The following DCAF10 variants were observed in gnomAD, a reference collection of about 807,000 sequenced individuals.
The protein encoded by DCAF10 is DDB1 and CUL4 associated factor 10.
A neutral mutation model predicts 51.9 loss-of-function variants in DCAF10; 19 were observed. The ratio of observed to expected loss-of-function variants is 0.37; its 90% CI spans 0.26 to 0.54. The LOEUF (loss-of-function observed/expected upper bound fraction) is 0.54. Among genes scored for constraint, DCAF10 ranks in the 20% least tolerant of loss-of-function variants. The pLI is 0.87. For missense variants in DCAF10, 510 were observed against 730.6 expected, an observed-to-expected ratio of 0.70 and a Z score of 3.48; for synonymous variants, 291 against 297.1, an observed-to-expected ratio of 0.98 and a Z score of 0.21.
intron 3 of DCAF10, among the ~76,000 whole-genome samples, chr9:37,849,486 G>A (rs1174600365): frequency 6.6e-6 from 1 of 152,096 alleles, no homozygotes; most frequent in African/African-American, 2.4e-5. Context: ...CGTGGCTCAT[G>A]CCTATAATCC....
intron 1 of DCAF10, among the ~76,000 whole-genome samples, chr9:37,806,389 G>A (rs1418262688): frequency 1.3e-5 from 2 of 152,122 alleles, no homozygotes; most frequent in South Asian, 4.1e-4. Context: ...GAACTACAGG[G>A]CAGCAGCCAT....
chr9:37,845,687 C>T (rs1589106929), intron 3 of DCAF10, among the ~76,000 whole-genome samples: 1 of 152,140 alleles, frequency 6.6e-6, no homozygotes, highest in Admixed American at 6.5e-5. Context: ...TCTAGAGATA[C>T]CTCCCACAAA....
At chr9:37,834,645 TTAAG>T (rs1477334013) in intron 2 of DCAF10, among the ~76,000 whole-genome samples, 1 of 152,228 alleles carries the variant, frequency 6.6e-6, no homozygotes, top group Non-Finnish European at 1.5e-5. Context: ...CATCTGTGCA[TTAAG>T]TATTTTCTGT....
Position 37,812,332 on chromosome 9 carries a change from A to G in DCAF10, c.540-6956A>G, listed in dbSNP as rs1015887403. On this transcript the variant is annotated intron_variant, in intron 1 of 6. Coordinates refer to ENST00000377724, the MANE Select transcript of DCAF10 (RefSeq NM_024345.5). Reference sequence around the variant, plus strand: ...ACTTAGCTACAAGAGTAAAGCTGCTAAAACTAAAATAAAACATACATGCAC... The same window carrying G: ...ACTTAGCTACAAGAGTAAAGCTGCTGAAACTAAAATAAAACATACATGCAC... 2.6e-5 allele frequency among the ~76,000 whole-genome samples: 4 copies of G among 152,222 alleles called. No individual in the cohort carries two copies. The East Asian group carries it at 7.7e-4, about 29-fold the overall frequency.
chr9:37,854,090 A>G (rs1775244825), intron 3 of DCAF10, among the ~76,000 whole-genome samples: 1 of 151,702 alleles, frequency 6.6e-6, no homozygotes, highest in Admixed American at 6.6e-5. Context: ...TCATTTTTGA[A>G]GTTTCAATTT....
chr9:37,850,586 G>A (rs1389646759), intron 3 of DCAF10, among the ~76,000 whole-genome samples: 1 of 151,824 alleles, frequency 6.6e-6, no homozygotes, highest in Non-Finnish European at 1.5e-5. Context: ...CATAGAAGCA[G>A]ATAGTAGAAT....
intron 2 of DCAF10, among the ~76,000 whole-genome samples, chr9:37,841,290 T>A (rs1830329437): frequency 6.6e-6 from 1 of 152,310 alleles, no homozygotes; most frequent in Non-Finnish European, 1.5e-5. Flanking sequence ...TATATGTAAA[T>A]TTATCTTAGA....
chr9:37,802,677 C>T (rs1021111244), intron 1 of DCAF10, among the ~76,000 whole-genome samples: 4 of 152,150 alleles, frequency 2.6e-5, no homozygotes, highest in African/African-American at 7.2e-5. Flanking sequence ...GATGGAAGCG[C>T]TTCCTAATCA....
At chr9:37,852,550 A>C (rs919644511) in intron 3 of DCAF10, among the ~76,000 whole-genome samples, 1 of 152,190 alleles carries the variant, frequency 6.6e-6, no homozygotes, top group Non-Finnish European at 1.5e-5. Context: ...GTGAGCTATG[A>C]TTATGCCACT....
chr9:37,834,794 C>T (rs1589098475), intron 2 of DCAF10, among the ~76,000 whole-genome samples: 1 of 144,218 alleles, frequency 6.9e-6, no homozygotes, highest in African/African-American at 2.6e-5. Context: ...CAATCACGTA[C>T]TTTTTTTTTT....
intron 1 of DCAF10, among the ~76,000 whole-genome samples, chr9:37,802,327 C>T (rs1171850554): frequency 6.6e-6 from 1 of 152,172 alleles, no homozygotes; most frequent in East Asian, 1.9e-4. Flanking sequence ...CTAAATAATG[C>T]ATAAAATATA....
intron 4 of DCAF10, among the ~76,000 whole-genome samples, chr9:37,855,910 A>C (rs1021622651): frequency 1.3e-5 from 2 of 152,066 alleles, no homozygotes; most frequent in African/African-American, 4.8e-5. Flanking sequence ...TAGCACTTTG[A>C]GAGACTGAGG....
intron 2 of DCAF10, among the ~76,000 whole-genome samples, chr9:37,820,045 CAG>C (rs1829657338): frequency 1.3e-5 from 2 of 152,112 alleles, no homozygotes; most frequent in South Asian, 2.1e-4. Flanking sequence ...AAAATTCTAA[CAG>C]TAGTTAAAAT....
At chr9:37,804,030 T>C (rs1378421872) in intron 1 of DCAF10, among the ~76,000 whole-genome samples, 3 of 152,042 alleles carry the variant, frequency 2.0e-5, no homozygotes, top group Non-Finnish European at 1.5e-5. Flanking sequence ...ATTGATAATG[T>C]TAATAAATTA....
At chr9:37,812,196 CA>C (rs1009479261) in intron 1 of DCAF10, among the ~76,000 whole-genome samples, 48 of 144,310 alleles carry the variant, frequency 3.3e-4, no homozygotes, top group Non-Finnish European at 5.5e-4. Flanking sequence ...GCTTCAAAAA[CA>C]AAAAAAAAAC....
At chr9:37,828,283 T>C (rs910124550) in intron 2 of DCAF10, among the ~76,000 whole-genome samples, 1 of 151,664 alleles carries the variant, frequency 6.6e-6, no homozygotes, top group Non-Finnish European at 1.5e-5. Flanking sequence ...GCCAACAATT[T>C]TCAATTGGAT....
intron 6 of DCAF10, 31 bp downstream of exon 6, chr9:37,860,224 G>C (rs1303283692): frequency 1.2e-6 from 2 of 1,612,238 alleles, no homozygotes; most frequent in Non-Finnish European, 1.7e-6. Context: ...CCTTCAACAG[G>C]GCTCATTGGA....
Position 37,801,402 on chromosome 9 carries a change from A to G in DCAF10, c.536A>G (p.Asp179Gly). 1 of 1,489,364 alleles carries G rather than the reference A, an allele frequency of 6.7e-7. No homozygotes were observed. Among genetic ancestry groups the G allele is most frequent in the Non-Finnish European group, 9.0e-7 (1 of 1,116,206 alleles). The allele number at this position is 1,489,364 out of a possible 1,614,324, so 92.3% of individuals were successfully genotyped here. ...GAVFNLEYSP[D>G]GSVLTVACEQ... is the part of the protein sequence containing the mutation. ...GTCTTCAACCTCGAGTACTCGCCCG[A>G]CGGGTAAGCGCGGCCCCTCGGAGGG... The change falls in exon 1 of 7, where the codon GAC becomes GGC. Residue 179 changes from aspartate (D) to glycine (G), a missense_variant. Physicochemically the swap from Asp to Gly is moderately conservative, Grantham distance 94. Around this residue, in one of 4 missense-constraint regions of DCAF10, gnomAD observed 126 missense variants for 271.5 expected, o/e 0.46. Transcript: ENST00000377724. The surrounding 1 kb of genome is among the most constrained non-coding windows in gnomAD (Gnocchi z 5.5).
chr9:37,805,252 C>T (rs961485743), intron 1 of DCAF10, among the ~76,000 whole-genome samples: 30 of 152,170 alleles, frequency 2.0e-4, no homozygotes, highest in African/African-American at 6.3e-4. Flanking sequence ...GAGGCCGAGG[C>T]GGGCGGATCA....
Sources: allele counts gnomAD v4.1 joint callset (sites outside exome capture counted in the v4.1 genomes callset), GRCh38; gene constraint gnomAD v4.1.1; regional missense constraint gnomAD v4.1.1; non-coding constraint Gnocchi (gnomAD v3.1); transcripts MANE v1.5; gene names NCBI Gene and HGNC (gene_info 2026-07-23, HGNC 2026-07-21).